Variants in CNTNAP3 observed in about 807,000 individuals in gnomAD.
CNTNAP3 encodes the protein contactin associated protein family member 3, also known as contactin-associated protein-like 3.
Under a neutral mutation model 92.1 loss-of-function variants are expected in CNTNAP3, and 36 were observed. The observed-to-expected ratio is 0.39, with a 90% CI of 0.30 to 0.52. The LOEUF (loss-of-function observed/expected upper bound fraction) is 0.52, where lower values mean the gene tolerates loss of function less well. Among genes scored for constraint, CNTNAP3 ranks in the 20% least tolerant of loss-of-function variants. The pLI is 0.76. For missense variants in CNTNAP3, 534 were observed against 1,069.6 expected, an observed-to-expected ratio of 0.50 and a Z score of 6.98; for synonymous variants, 232 against 422.3, an observed-to-expected ratio of 0.55 and a Z score of 5.53.
At chr9:39,107,649 A>C (rs953635228) in intron 15 of CNTNAP3, among the ~76,000 whole-genome samples, 1 of 152,198 alleles carries the variant, frequency 6.6e-6, no homozygotes, top group African/African-American at 2.4e-5. Flanking sequence ...AGCTGATAAC[A>C]AATTACTGAC....
chr9:39,137,446 G>A (rs1248012070), intron 12 of CNTNAP3, among the ~76,000 whole-genome samples: 1 of 151,948 alleles, frequency 6.6e-6, no homozygotes, highest in Non-Finnish European at 1.5e-5. Context: ...ATTAATTATA[G>A]TTGTTTAAAG....
chr9:39,120,450 G>A (rs549129118), intron 13 of CNTNAP3, among the ~76,000 whole-genome samples: 3 of 152,216 alleles, frequency 2.0e-5, no homozygotes, highest in South Asian at 4.2e-4. Context: ...CGAGGTGGGC[G>A]GATCACGAGG....
At chr9:39,074,618 C>T (rs555152365) in intron 23 of CNTNAP3, among the ~76,000 whole-genome samples, 4 of 151,772 alleles carry the variant, frequency 2.6e-5, no homozygotes, top group South Asian at 4.2e-4. Flanking sequence ...TCTCTAAGAC[C>T]GCGTACATCC....
rs1826148485 is a variant in CNTNAP3 at position 39,089,759 on chromosome 9, G to T, written c.2996-1112C>A. Among the ~76,000 whole-genome samples the T allele has an allele frequency of 5.9e-5, 9 of 152,106 alleles. No individual in the cohort carries two copies. In the South Asian group the frequency reaches 1.9e-3, roughly 32 times the overall value. On this transcript the variant is annotated intron_variant, in intron 18 of 23. Transcript: ENST00000297668. ...TTTCTTTTAAATTACAGCTATACCT[G>T]TCTGTGTGAAGAGGTATTTCATTGT...
At chr9:39,084,664 TC>T (rs1480212190) in intron 21 of CNTNAP3, among the ~76,000 whole-genome samples, 4 of 152,176 alleles carry the variant, frequency 2.6e-5, no homozygotes, top group African/African-American at 9.7e-5. Context: ...GGAAAGCACT[TC>T]CTATATAATT....
At chr9:39,093,718 G>A (rs1826263428) in intron 18 of CNTNAP3, among the ~76,000 whole-genome samples, 1 of 151,458 alleles carries the variant, frequency 6.6e-6, no homozygotes, top group African/African-American at 2.4e-5. Flanking sequence ...TTTAATGGCT[G>A]AACAATATAC....
At chr9:39,132,022 T>C (rs1758267) in intron 13 of CNTNAP3, among the ~76,000 whole-genome samples, 1 of 152,094 alleles carries the variant, frequency 6.6e-6, no homozygotes, top group African/African-American at 2.4e-5. Flanking sequence ...TACCGACATA[T>C]ACTGTTTTTG....
At chr9:39,114,476 GT>G (rs1425091287) in intron 14 of CNTNAP3, among the ~76,000 whole-genome samples, 2 of 152,108 alleles carry the variant, frequency 1.3e-5, no homozygotes, top group Admixed American at 6.6e-5. Context: ...TAGAGTTCAA[GT>G]TTATCCCTAA....
At chr9:39,106,058 C>A (rs966486872) in intron 15 of CNTNAP3, among the ~76,000 whole-genome samples, 1 of 152,126 alleles carries the variant, frequency 6.6e-6, no homozygotes, top group Non-Finnish European at 1.5e-5. Context: ...ACTGTATTTA[C>A]ATATTTGCTC....
chr9:39,126,177 T>C (rs1821148857), intron 13 of CNTNAP3, among the ~76,000 whole-genome samples: 1 of 152,122 alleles, frequency 6.6e-6, no homozygotes. Context: ...GGAATTAAAC[T>C]AATAATAGCA....
At chr9:39,120,200 G>A (rs1820979735) in intron 13 of CNTNAP3, among the ~76,000 whole-genome samples, 1 of 152,074 alleles carries the variant, frequency 6.6e-6, no homozygotes, top group Admixed American at 6.5e-5. Flanking sequence ...CTTGAAAGCA[G>A]CCTGAGAGAA....
intron 23 of CNTNAP3, among the ~76,000 whole-genome samples, chr9:39,074,436 T>A (rs199993727): frequency 0.058 from 8,339 of 144,872 alleles, 307 homozygotes; most frequent in East Asian, 0.11. Flanking sequence ...ATATTATAAA[T>A]TGAAAACACC....
intron 18 of CNTNAP3, among the ~76,000 whole-genome samples, chr9:39,095,255 TATAAG>T (rs890631429): frequency 5.9e-5 from 9 of 151,752 alleles, no homozygotes; most frequent in Non-Finnish European, 1.3e-4. Flanking sequence ...GTTTTCTACA[TATAAG>T]ATAAGGTAAT....
At chr9:39,138,188 C>G (rs960167490) in intron 12 of CNTNAP3, among the ~76,000 whole-genome samples, 4 of 152,048 alleles carry the variant, frequency 2.6e-5, no homozygotes, top group African/African-American at 9.7e-5. Context: ...GAAATTTTTT[C>G]TTGATAACCA....
chr9:39,108,667 G>A (rs1174294427), intron 15 of CNTNAP3, among the ~76,000 whole-genome samples: 1 of 152,144 alleles, frequency 6.6e-6, no homozygotes. Context: ...CCACTGAGGT[G>A]GAGGAGCGAG....
intron 12 of CNTNAP3, among the ~76,000 whole-genome samples, chr9:39,133,986 T>C (rs1421857775): frequency 6.6e-6 from 1 of 152,182 alleles, no homozygotes; most frequent in Non-Finnish European, 1.5e-5. Context: ...GAAACATTCG[T>C]ATGGGGATTT....
chr9:39,132,280 C>G (rs1167720103), intron 13 of CNTNAP3, among the ~76,000 whole-genome samples: 1 of 152,030 alleles, frequency 6.6e-6, no homozygotes, highest in African/African-American at 2.4e-5. Flanking sequence ...TGTGGGGATT[C>G]CGGAAAGGAG....
chr9:39,131,350 G>C (rs1289750578), intron 13 of CNTNAP3, among the ~76,000 whole-genome samples: 2 of 152,282 alleles, frequency 1.3e-5, no homozygotes, highest in East Asian at 3.9e-4. Context: ...TTAAGGAATG[G>C]CCTAAATTTC....
At chr9:39,110,806 T>C (rs959272631) in intron 14 of CNTNAP3, among the ~76,000 whole-genome samples, 2 of 152,178 alleles carry the variant, frequency 1.3e-5, no homozygotes, top group Non-Finnish European at 2.9e-5. Context: ...TTTATATACT[T>C]TTGGTTATAT....
Sources: allele counts gnomAD v4.1 joint callset (sites outside exome capture counted in the v4.1 genomes callset), GRCh38; gene constraint gnomAD v4.1.1; transcripts MANE v1.5; gene names NCBI Gene and HGNC (gene_info 2026-07-23, HGNC 2026-07-21).